The following MFSD11 variants were observed in gnomAD, a reference collection of about 807,000 sequenced individuals.
MFSD11 encodes UNC93-like protein MFSD11.
A neutral mutation model predicts 53.5 loss-of-function variants in MFSD11; 36 were observed. The observed-to-expected ratio is 0.67, with a 90% CI of 0.52 to 0.89. The LOEUF is 0.89. MFSD11 is among the 40% of genes least tolerant of loss of function. The probability of loss-of-function intolerance (pLI) is 0.00; values close to 1 mark genes in which losing one functional copy is unlikely to be tolerated. For missense variants in MFSD11, 530 were observed against 543.9 expected (o/e 0.97, Z 0.25); for synonymous variants, 186 against 184.9 (o/e 1.01, Z -0.05).
At chr17:76,796,179 G>A in the MFSD11 span, among the ~76,000 whole-genome samples, 5 of 151,908 alleles carry the variant, frequency 3.3e-5, no homozygotes, top group Admixed American at 1.3e-4. Flanking sequence ...GTATTTCTTT[G>A]TGGAATGACC....
At chr17:76,755,578 G>A (rs1488351197) in intron 8 of MFSD11, among the ~76,000 whole-genome samples, 2 of 151,672 alleles carry the variant, frequency 1.3e-5, no homozygotes, top group Non-Finnish European at 2.9e-5. Flanking sequence ...ATGACACAAA[G>A]CTTGTTAACT....
At chr17:76,739,861 A>G (rs1354569674) in intron 2 of MFSD11, among the ~76,000 whole-genome samples, 2 of 152,144 alleles carry the variant, frequency 1.3e-5, no homozygotes, top group Non-Finnish European at 2.9e-5. Context: ...TTTTGTCTTC[A>G]TGTGTATTCT....
At position 76,754,102 on chromosome 17, in the gene MFSD11, T is replaced by C; in HGVS notation, c.682+15T>C. On this transcript the variant is annotated intron_variant, in intron 8 of 12. Coordinates refer to ENST00000685175, the MANE Select transcript of MFSD11 (RefSeq NM_001242532.5). Reference sequence around the variant, plus strand: ...AGATGCTTTTAGTAAGTATTTTCTGTATCTGAAATGCAAGAACTGTTCAGG... The same window carrying C: ...AGATGCTTTTAGTAAGTATTTTCTGCATCTGAAATGCAAGAACTGTTCAGG... 1 of 1,606,350 alleles carries C rather than the reference T, an allele frequency of 6.2e-7. No homozygotes were observed. Among genetic ancestry groups the C allele is most frequent in the South Asian group, 1.1e-5 (1 of 90,648 alleles).
chr17:76,753,915 C>T (rs1459507774), intron 7 of MFSD11, 132 bp from the exon 8 acceptor site: 14 of 671,568 alleles, frequency 2.1e-5, no homozygotes, highest in East Asian at 2.9e-5. Context: ...AAGGAGCATT[C>T]GAGTCACTGG....
At chr17:76,753,155 G>A (rs1373700864) in intron 7 of MFSD11, 3 of 152,100 alleles carry the variant, frequency 2.0e-5, no homozygotes, top group Non-Finnish European at 4.4e-5. Context: ...CGAGAGTACA[G>A]TACCTGTCAA....
chr17:76,758,238 TATTAA>T (rs2079844137), intron 8 of MFSD11, among the ~76,000 whole-genome samples: 2 of 152,140 alleles, frequency 1.3e-5, no homozygotes, highest in African/African-American at 2.4e-5. Context: ...CTTCACTTTA[TATTAA>T]AACTTTTAGT....
the MFSD11 span, among the ~76,000 whole-genome samples, chr17:76,791,084 C>G: frequency 1.3e-5 from 2 of 148,662 alleles, 1 homozygote; most frequent in Admixed American, 1.3e-4. Context: ...TTCTTTTTAA[C>G]TTTGTGTGCA....
chr17:76,761,231 A>G (rs754209643), intron 8 of MFSD11, among the ~76,000 whole-genome samples: 1 of 152,150 alleles, frequency 6.6e-6, no homozygotes, highest in African/African-American at 2.4e-5. Context: ...GCTGATATAT[A>G]CTTGTAGTAC....
intron 8 of MFSD11, among the ~76,000 whole-genome samples, chr17:76,764,662 T>G (rs1201540986): frequency 6.6e-6 from 1 of 151,968 alleles, no homozygotes; most frequent in Non-Finnish European, 1.5e-5. Context: ...CTTAGTTGTT[T>G]CCATGTCTTT....
chr17:76,764,226 C>T (rs183158506), intron 8 of MFSD11, among the ~76,000 whole-genome samples: 8 of 152,026 alleles, frequency 5.3e-5, no homozygotes, highest in Admixed American at 4.6e-4. Context: ...ATATCCATCA[C>T]CTCACATAGT....
rs1460036169 is a variant in MFSD11 at position 76,778,467 on chromosome 17, A to G, written c.*115A>G. 1.9e-6 allele frequency: 2 copies of G among 1,056,146 alleles called. No individual in the cohort carries two copies. Among genetic ancestry groups the G allele is most frequent in the Admixed American group, 2.3e-5 (1 of 44,026 alleles). The allele number at this position is 1,056,146 out of a possible 1,614,324, so 65.4% of individuals were successfully genotyped here. ...TATTGGGTGATGTTCAGTATGGAAAATCAAGGGATTAAGACTGTTAAATCA... is the reference window on the plus strand; with the variant it reads ...TATTGGGTGATGTTCAGTATGGAAAGTCAAGGGATTAAGACTGTTAAATCA... On this transcript the variant is annotated 3_prime_UTR_variant, in exon 13 of 13. Coordinates refer to ENST00000685175, the MANE Select transcript of MFSD11 (RefSeq NM_001242532.5).
upstream of MFSD11, chr17:76,737,086 G>A (rs61742084): frequency 5.2e-3 from 8,406 of 1,612,280 alleles, 354 homozygotes; most frequent in African/African-American, 0.094. Flanking sequence ...TGTCGGGCGA[G>A]GTGCGGTAGG....
At chr17:76,754,252 A>T (rs1324708877) in intron 8 of MFSD11, 165 bp downstream of exon 8, 3 of 569,002 alleles carry the variant, frequency 5.3e-6, no homozygotes, top group Non-Finnish European at 9.4e-6. Context: ...CATCTCTCTA[A>T]CATGGGGGTT....
chr17:76,769,014 G>T (rs1459366675), intron 9 of MFSD11, among the ~76,000 whole-genome samples: 1 of 151,082 alleles, frequency 6.6e-6, no homozygotes, highest in Non-Finnish European at 1.5e-5. Context: ...GAATGTTCCT[G>T]TTTCTTTGGA....
At chr17:76,771,710 A>G (rs1043498198) in intron 10 of MFSD11, among the ~76,000 whole-genome samples, 45 of 152,224 alleles carry the variant, frequency 3.0e-4, no homozygotes, top group African/African-American at 1.1e-3. Context: ...GAATAATGAG[A>G]ACATGGTTTC....
At chr17:76,744,248 C>A in intron 6 of MFSD11, 74 bp from the exon 7 acceptor site, 2 of 1,403,662 alleles carry the variant, frequency 1.4e-6, no homozygotes, top group Non-Finnish European at 1.9e-6. Context: ...CAGTTGTAAG[C>A]AGCCCTTGTA....
chr17:76,778,187 G>T lies in MFSD11; in HGVS notation c.1186-1G>T, dbSNP rs2082016500. ...TTGTGATTTGTTTTGTTTGTTCTTAGTCTATTTGCGCAGCCGTGGCATTTT... is the reference window on the plus strand; with the variant it reads ...TTGTGATTTGTTTTGTTTGTTCTTATTCTATTTGCGCAGCCGTGGCATTTT... On this transcript the variant is annotated splice_acceptor_variant, in intron 12 of 12. Transcript: ENST00000685175. LOFTEE classifies it high-confidence loss of function. The T allele has an allele frequency of 6.2e-7, 1 of 1,614,170 alleles. No individual in the cohort carries two copies. Among genetic ancestry groups the T allele is most frequent in the Non-Finnish European group, 8.5e-7 (1 of 1,180,040 alleles).
chr17:76,743,186 T>C (rs1202995208), intron 5 of MFSD11, among the ~76,000 whole-genome samples: 1 of 152,198 alleles, frequency 6.6e-6, no homozygotes, highest in Non-Finnish European at 1.5e-5. Context: ...TACTGTCACA[T>C]GGAAGGAGAC....
intron 12 of MFSD11, among the ~76,000 whole-genome samples, chr17:76,777,918 T>A (rs1485708757): frequency 6.6e-6 from 1 of 152,130 alleles, no homozygotes; most frequent in Non-Finnish European, 1.5e-5. Flanking sequence ...GGCTCAAGCA[T>A]TTCTCCCACC....
Sources: gnomAD v4.1 joint callset for allele counts (sites outside exome capture counted in the v4.1 genomes callset) on GRCh38, gnomAD v4.1.1 for gene constraint, MANE v1.5 for transcripts, NCBI Gene and HGNC (gene_info 2026-07-23, HGNC 2026-07-21) for gene names.